Variants in TAFA2 observed in about 807,000 individuals in gnomAD.
TAFA2 encodes chemokine-like protein TAFA-2.
Under a neutral mutation model 18.8 loss-of-function variants are expected in TAFA2, and 7 were observed. The ratio of observed to expected loss-of-function variants is 0.37; its 90% confidence interval spans 0.21 to 0.70. The LOEUF (loss-of-function observed/expected upper bound fraction) is 0.70. TAFA2 is among the 30% of genes least tolerant of loss of function. The probability of loss-of-function intolerance (pLI) is 0.53; values close to 1 mark genes in which losing one functional copy is unlikely to be tolerated. For synonymous variants in TAFA2, 60 were observed against 54.2 expected (o/e 1.11, Z -0.47); for missense variants, 122 against 158.1 (o/e 0.77, Z 1.23).
chr12:62,062,251 C>T (rs969398061), intron 1 of TAFA2, among the ~76,000 whole-genome samples: 14 of 152,306 alleles, frequency 9.2e-5, no homozygotes, highest in African/African-American at 3.4e-4. Flanking sequence ...CCCTCATTTT[C>T]AAGATCAAGT....
At chr12:61,849,477 TCTTG>T (rs912443330) in intron 2 of TAFA2, among the ~76,000 whole-genome samples, 1 of 152,202 alleles carries the variant, frequency 6.6e-6, no homozygotes, top group Non-Finnish European at 1.5e-5. Context: ...CAGCCTAGTA[TCTTG>T]CTTATTTATT....
chr12:61,821,394 TAAATA>T (rs1360742136), intron 2 of TAFA2, among the ~76,000 whole-genome samples: 1 of 151,972 alleles, frequency 6.6e-6, no homozygotes, highest in African/African-American at 2.4e-5. Context: ...CACCTACAAT[TAAATA>T]AAAGTTCTCT....
rs144780754 is a variant in TAFA2, at chr12:62,005,650, C to G, written c.-1-138224G>C. Among the ~76,000 whole-genome samples the G allele has an allele frequency of 1.8e-3, 275 of 152,130 alleles. 1 individual carries two copies. The highest frequency in any genetic ancestry group is 6.4e-3 in the African/African-American group (265 of 41,536). ...TTCATTCTGAGAGCAGGAAAATTAG[C>G]ACCAGAGAGGATCAATGTTTTCTCT... On this transcript the variant is annotated intron_variant, in intron 1 of 4. Coordinates refer to ENST00000416284, the MANE Select transcript of TAFA2 (RefSeq NM_178539.5).
chr12:62,135,259 G>A (rs1870849762), intron 1 of TAFA2, among the ~76,000 whole-genome samples: 1 of 152,030 alleles, frequency 6.6e-6, no homozygotes, highest in Non-Finnish European at 1.5e-5. Flanking sequence ...TATTGCAAGA[G>A]AGAGACTTTT....
chr12:61,719,935 T>G (rs1869823337), intron 4 of TAFA2, among the ~76,000 whole-genome samples: 1 of 152,208 alleles, frequency 6.6e-6, no homozygotes, highest in Admixed American at 6.5e-5. Context: ...GTGGTAAATC[T>G]TTTATTTTAA....
rs986545850 is a variant in TAFA2 at position 62,012,552 on chromosome 12, A to T, written c.-1-145126T>A. ...ACTTCCATTGCTTACATTTGTATTG[A>T]ATTTCCTCAAAGCACAATAGTAAAA... On this transcript the variant is annotated intron_variant, in intron 1 of 4. Coordinates refer to ENST00000416284, the MANE Select transcript of TAFA2 (RefSeq NM_178539.5). Among the ~76,000 whole-genome samples the T allele has an allele frequency of 2.0e-5, 3 of 152,148 alleles. No individual in the cohort carries two copies. The East Asian group carries it at 5.8e-4, about 29-fold the overall frequency.
chr12:62,008,804 T>C (rs1424651425), intron 1 of TAFA2, among the ~76,000 whole-genome samples: 2 of 152,146 alleles, frequency 1.3e-5, no homozygotes, highest in African/African-American at 4.8e-5. Context: ...CCTGACACTA[T>C]CCATTTTATT....
At chr12:61,729,033 A>T (rs1870313610) in intron 4 of TAFA2, among the ~76,000 whole-genome samples, 1 of 149,768 alleles carries the variant, frequency 6.7e-6, no homozygotes, top group African/African-American at 2.5e-5. Context: ...TTCTTGGCTG[A>T]TTTTTTTTTT....
intron 4 of TAFA2, among the ~76,000 whole-genome samples, chr12:61,717,825 T>G (rs1869728659): frequency 2.6e-5 from 4 of 152,150 alleles, no homozygotes; most frequent in Admixed American, 2.0e-4. Flanking sequence ...TTTATACCAG[T>G]GTTTCTACCT....
At chr12:61,865,640 T>C (rs1417189361) in intron 2 of TAFA2, among the ~76,000 whole-genome samples, 1 of 152,244 alleles carries the variant, frequency 6.6e-6, no homozygotes, top group Non-Finnish European at 1.5e-5. Flanking sequence ...GTTTCAGAGT[T>C]AGCATAGAAC....
intron 1 of TAFA2, among the ~76,000 whole-genome samples, chr12:61,963,956 C>G (rs975892645): frequency 6.6e-6 from 1 of 151,950 alleles, no homozygotes; most frequent in African/African-American, 2.4e-5. Context: ...TTTGACAAAC[C>G]TGGCAAAAAA....
At chr12:61,955,529 G>A (rs1878622950) in intron 1 of TAFA2, among the ~76,000 whole-genome samples, 1 of 140,196 alleles carries the variant, frequency 7.1e-6, no homozygotes, top group Non-Finnish European at 1.5e-5. Flanking sequence ...TTGAACCTGG[G>A]AGGTGGAGGT....
chr12:61,848,990 C>T (rs1292027888), intron 2 of TAFA2, among the ~76,000 whole-genome samples: 1 of 151,752 alleles, frequency 6.6e-6, no homozygotes, highest in African/African-American at 2.4e-5. Flanking sequence ...TACAGGCACC[C>T]GCCACAACGG....
intron 2 of TAFA2, among the ~76,000 whole-genome samples, chr12:61,802,317 T>C (rs148836414): frequency 2.2e-3 from 332 of 152,132 alleles, no homozygotes; most frequent in African/African-American, 7.5e-3. Flanking sequence ...CCCATGTTTA[T>C]TGCAGCACTA....
chr12:62,142,130 G>A (rs2062244875), intron 1 of TAFA2, among the ~76,000 whole-genome samples: 2 of 152,122 alleles, frequency 1.3e-5, no homozygotes, highest in African/African-American at 4.8e-5. Context: ...GAAAGGTTAA[G>A]TAACTTGCCA....
intron 1 of TAFA2, among the ~76,000 whole-genome samples, chr12:61,927,416 G>T (rs1877350730): frequency 1.3e-5 from 2 of 152,136 alleles, no homozygotes; most frequent in Non-Finnish European, 2.9e-5. Flanking sequence ...ATTCACAATA[G>T]CTACAAAGAG....
chr12:62,229,871 G>C (rs2062804719), intron 1 of TAFA2, among the ~76,000 whole-genome samples: 1 of 151,902 alleles, frequency 6.6e-6, no homozygotes, highest in Non-Finnish European at 1.5e-5. Context: ...TGTTGTTGTT[G>C]TTGGGAGACT....
rs75340720 is a variant in TAFA2 at position 62,090,703 on chromosome 12, C to G, written c.-2+100556G>C. On this transcript the variant is annotated intron_variant, in intron 1 of 4. Transcript: ENST00000416284. Reference sequence around the variant, plus strand: ...CCCTTTTTGTTCTTGCTGAACATGACAAATATTTTTTCTAAAGAATATATA... The same window carrying G: ...CCCTTTTTGTTCTTGCTGAACATGAGAAATATTTTTTCTAAAGAATATATA... Among the ~76,000 whole-genome samples, 2 of 145,544 alleles carry G rather than the reference C, an allele frequency of 1.4e-5. 1 individual carries two copies. Among genetic ancestry groups the G allele is most frequent in the Admixed American group, 1.4e-4 (2 of 13,932 alleles).
intron 4 of TAFA2, among the ~76,000 whole-genome samples, chr12:61,732,898 A>C (rs897798176): frequency 2.6e-5 from 4 of 152,080 alleles, no homozygotes; most frequent in African/African-American, 9.7e-5. Flanking sequence ...ATAGAAAACC[A>C]ATCTAGAACA....
Sources: gnomAD v4.1 joint callset for allele counts (sites outside exome capture counted in the v4.1 genomes callset) on GRCh38, gnomAD v4.1.1 for gene constraint, MANE v1.5 for transcripts, NCBI Gene and HGNC (gene_info 2026-07-23, HGNC 2026-07-21) for gene names.